Variants in HS6ST3 observed in about 807,000 individuals in gnomAD.
The protein encoded by HS6ST3 is heparan-sulfate 6-O-sulfotransferase 3.
Under a neutral mutation model 36.7 loss-of-function variants are expected in HS6ST3, and 12 were observed. The observed-to-expected ratio is 0.33, with a 90% CI of 0.21 to 0.53. The LOEUF (loss-of-function observed/expected upper bound fraction) is 0.53. Among genes scored for constraint, HS6ST3 ranks in the 20% least tolerant of loss-of-function variants. The pLI, the probability that HS6ST3 is intolerant of heterozygous loss-of-function variation, is 0.95. For missense variants in HS6ST3, 584 were observed against 640.9 expected, an observed-to-expected ratio of 0.91 and a Z score of 0.96; for synonymous variants, 240 against 257.5, an observed-to-expected ratio of 0.93 and a Z score of 0.65.
intron 1 of HS6ST3, among the ~76,000 whole-genome samples, chr13:96,205,438 A>G (rs2054365095): frequency 6.6e-6 from 1 of 152,192 alleles, no homozygotes; most frequent in African/African-American, 2.4e-5. Context: ...AACTATTCCA[A>G]ACAATTGAAA....
At chr13:96,401,804 T>C (rs1392783798) in intron 1 of HS6ST3, among the ~76,000 whole-genome samples, 2 of 152,116 alleles carry the variant, frequency 1.3e-5, no homozygotes, top group Non-Finnish European at 2.9e-5. Flanking sequence ...GAACTCCTGA[T>C]GTCAAGTGAC....
At chr13:96,486,891 C>A (rs1341953235) in intron 1 of HS6ST3, among the ~76,000 whole-genome samples, 1 of 152,078 alleles carries the variant, frequency 6.6e-6, no homozygotes, top group South Asian at 2.1e-4. Context: ...AGCAAAAATG[C>A]CCTTGAGTCA....
intron 1 of HS6ST3, among the ~76,000 whole-genome samples, chr13:96,555,947 T>C (rs1472856414): frequency 6.6e-6 from 1 of 152,210 alleles, no homozygotes; most frequent in Non-Finnish European, 1.5e-5. Flanking sequence ...CTGGACTTTT[T>C]AACAGGAAAA....
intron 1 of HS6ST3, among the ~76,000 whole-genome samples, chr13:96,307,581 T>C (rs1360232174): frequency 6.6e-6 from 1 of 152,128 alleles, no homozygotes; most frequent in Admixed American, 6.6e-5. Context: ...TTTTTATTGA[T>C]TTATTGTGAC....
intron 1 of HS6ST3, among the ~76,000 whole-genome samples, chr13:96,351,768 A>C (rs181555698): frequency 1.8e-4 from 28 of 152,354 alleles, no homozygotes; most frequent in Admixed American, 1.7e-3. Context: ...AAATAGCTAT[A>C]AAATGGAAAA....
chr13:96,719,211 T>C lies in HS6ST3; in HGVS notation c.708-113279T>C, dbSNP rs186374616. On this transcript the variant is annotated intron_variant, in intron 1 of 1. Transcript: ENST00000376705. The stretch of plus-strand genomic sequence containing the variant: ...ATTGCTTGAACCCGGGAGACGGAGG[T>C]TGCAGTGAGCCGAGATCATGCCACT... Among the ~76,000 whole-genome samples, 135 of 151,604 alleles carry C rather than the reference T, an allele frequency of 8.9e-4. 1 individual carries two copies. Among genetic ancestry groups the C allele is most frequent in the Non-Finnish European group, 1.6e-3 (106 of 67,830 alleles).
At chr13:96,360,984 C>T (rs371536100) in intron 1 of HS6ST3, among the ~76,000 whole-genome samples, 2 of 149,668 alleles carry the variant, frequency 1.3e-5, no homozygotes, top group South Asian at 2.1e-4. Flanking sequence ...GGCAAAAGGG[C>T]ATTTTTCTAC....
intron 1 of HS6ST3, among the ~76,000 whole-genome samples, chr13:96,674,961 T>C (rs2056694232): frequency 6.6e-6 from 1 of 152,178 alleles, no homozygotes; most frequent in Non-Finnish European, 1.5e-5. Flanking sequence ...GATAAATGCA[T>C]GGCTTTCACT....
intron 1 of HS6ST3, among the ~76,000 whole-genome samples, chr13:96,333,837 C>G (rs1477467836): frequency 6.6e-6 from 1 of 152,062 alleles, no homozygotes; most frequent in Non-Finnish European, 1.5e-5. Flanking sequence ...CCAGGCAGGA[C>G]CATACAGTGA....
chr13:96,410,875 C>T (rs886995056), intron 1 of HS6ST3, among the ~76,000 whole-genome samples: 1 of 152,098 alleles, frequency 6.6e-6, no homozygotes, highest in Non-Finnish European at 1.5e-5. Flanking sequence ...TTTCCAAATT[C>T]CCTACACTTT....
chr13:96,239,190 A>C (rs2054548729), intron 1 of HS6ST3, among the ~76,000 whole-genome samples: 1 of 152,200 alleles, frequency 6.6e-6, no homozygotes, highest in Non-Finnish European at 1.5e-5. Flanking sequence ...AAAGCAATTA[A>C]AGTTGAGAAA....
At chr13:96,264,501 A>G (rs963718778) in intron 1 of HS6ST3, among the ~76,000 whole-genome samples, 20 of 152,336 alleles carry the variant, frequency 1.3e-4, no homozygotes, top group African/African-American at 4.8e-4. Flanking sequence ...GGACCATAGC[A>G]AATTAGATTG....
intron 1 of HS6ST3, among the ~76,000 whole-genome samples, chr13:96,222,129 T>A (rs890682275): frequency 6.6e-6 from 1 of 152,196 alleles, no homozygotes; most frequent in Admixed American, 6.5e-5. Flanking sequence ...AAAACATCAA[T>A]CAAATTCTTT....
At chr13:96,330,117 G>T (rs2139419964) in intron 1 of HS6ST3, among the ~76,000 whole-genome samples, 1 of 138,286 alleles carries the variant, frequency 7.2e-6, no homozygotes, top group Middle Eastern at 3.8e-3. Context: ...GCACACTGAT[G>T]GGTCTTGACT....
intron 1 of HS6ST3, among the ~76,000 whole-genome samples, chr13:96,802,751 C>T (rs1341283462): frequency 6.6e-6 from 1 of 152,124 alleles, no homozygotes; most frequent in Non-Finnish European, 1.5e-5. Context: ...AGTAAATTCC[C>T]CTTGGATTCC....
At chr13:96,302,829 G>A (rs1015213121) in intron 1 of HS6ST3, among the ~76,000 whole-genome samples, 1 of 152,098 alleles carries the variant, frequency 6.6e-6, no homozygotes, top group Admixed American at 6.5e-5. Context: ...GATTTATAGT[G>A]TGCTATCTCT....
intron 1 of HS6ST3, among the ~76,000 whole-genome samples, chr13:96,554,485 A>G (rs1321708843): frequency 2.0e-5 from 3 of 152,230 alleles, no homozygotes; most frequent in Non-Finnish European, 2.9e-5. Flanking sequence ...TGTGTCTGCT[A>G]TAACAAAACC....
intron 1 of HS6ST3, among the ~76,000 whole-genome samples, chr13:96,617,639 G>C (rs2056479251): frequency 6.6e-6 from 1 of 152,192 alleles, no homozygotes; most frequent in Admixed American, 6.5e-5. Context: ...TTTCATTCGA[G>C]GTAAACAAGA....
intron 1 of HS6ST3, among the ~76,000 whole-genome samples, chr13:96,228,654 C>A (rs572206759): frequency 6.6e-6 from 1 of 152,250 alleles, no homozygotes; most frequent in Admixed American, 6.5e-5. Flanking sequence ...AGGCAATGGG[C>A]CAGTGTTGGT....
Sources: gnomAD v4.1 joint callset for allele counts (sites outside exome capture counted in the v4.1 genomes callset) on GRCh38, gnomAD v4.1.1 for gene constraint, MANE v1.5 for transcripts, NCBI Gene and HGNC (gene_info 2026-07-23, HGNC 2026-07-21) for gene names.